The following RBFA variants were observed in gnomAD, a reference collection of about 807,000 sequenced individuals.
RBFA encodes the protein ribosome binding factor A.
In RBFA, 16 loss-of-function variants were observed where a neutral mutation model predicts 27.9. That is an observed-to-expected ratio of 0.57 (90% CI 0.39 to 0.87). The LOEUF (loss-of-function observed/expected upper bound fraction) is 0.87. Ranked by LOEUF, RBFA falls within the 40% of genes least tolerant of loss-of-function variation. The pLI, the probability that RBFA is intolerant of heterozygous loss-of-function variation, is 0.00. For missense variants in RBFA, 456 were observed against 432.1 expected, an observed-to-expected ratio of 1.06 and a Z score of -0.49; for synonymous variants, 181 against 181.0, an observed-to-expected ratio of 1.00 and a Z score of 0.00.
rs545332378 is a variant in RBFA at position 80,048,449 on chromosome 18, A to G, written c.*2294A>G. Among the ~76,000 whole-genome samples, 2 of 152,246 alleles carry G rather than the reference A, an allele frequency of 1.3e-5. No individual in the cohort carries two copies. The highest frequency in any genetic ancestry group is 3.9e-4 in the East Asian group (2 of 5,170). On this transcript the variant is annotated 3_prime_UTR_variant, in exon 7 of 7. Coordinates refer to ENST00000306735, the MANE Select transcript of RBFA (RefSeq NM_024805.3). ...ATCTGATGTGCCCAGGCTGTGTTTT[A>G]TTGTTCTAGCAATTTATTGTTACAA...
At chr18:80,045,723 G>A (rs2052047118) in intron 6 of RBFA, 51 bp from the exon 7 acceptor site, 3 of 1,493,748 alleles carry the variant, frequency 2.0e-6, no homozygotes, top group Non-Finnish European at 2.7e-6. Context: ...ACGACACTGT[G>A]GACTAGGGGC....
At position 80,034,626 on chromosome 18, in the gene RBFA, G is replaced by A. The variant is rs2051962080; in HGVS notation, c.131G>A (p.Trp44Ter). The A allele has an allele frequency of 6.2e-7, 1 of 1,608,324 alleles. No individual in the cohort carries two copies. The highest frequency in any genetic ancestry group is 8.5e-7 in the Non-Finnish European group (1 of 1,178,614). The change falls in exon 1 of 7, where the codon TGG becomes TAG. Residue 44 changes from tryptophan (W) to a stop codon, truncating the protein, a stop_gained. Coordinates refer to ENST00000306735, the MANE Select transcript of RBFA (RefSeq NM_024805.3). LOFTEE classifies it high-confidence loss of function. ...LHCSAVSCKN[W>*]LKKFASKTKK... ...TGCTCTGCTGTCTCCTGCAAGAACT[G>A]GCTCAAGAAATTTGCCTCGAAAACC...
At chr18:80,039,456 G>A (rs2052002725) in intron 4 of RBFA, among the ~76,000 whole-genome samples, 1 of 152,164 alleles carries the variant, frequency 6.6e-6, no homozygotes, top group South Asian at 2.1e-4. Flanking sequence ...CTGCTGTCTG[G>A]AGAATGCTGA....
chr18:80,042,002 AGGCGTGAGCCACCGC>A, intron 4 of RBFA, 118 bp from the exon 5 acceptor site: 1 of 411,592 alleles, frequency 2.4e-6, no homozygotes, highest in Non-Finnish European at 4.2e-6. Flanking sequence ...CTGGGATTAC[AGGCGTGAGCCACCGC>A]GCCCGGCCTC....
chr18:80,034,995 A>G (rs1204261372), intron 1 of RBFA: 1 of 287,190 alleles, frequency 3.5e-6, no homozygotes, highest in Non-Finnish European at 6.5e-6. Context: ...TTGAAGACTA[A>G]AGCTTGTCAT....
rs2052073442 is a variant in RBFA, at chr18:80,048,732, G to A, written c.*2577G>A. ...AGGAATCTGAGGCCCAGGGAGAGGT[G>A]AAGTGCTGCAGGAGATCCAACCAGG... On this transcript the variant is annotated 3_prime_UTR_variant, in exon 7 of 7. Transcript: ENST00000306735. Among the ~76,000 whole-genome samples the A allele has an allele frequency of 1.3e-5, 2 of 152,366 alleles. No homozygotes were observed. Among genetic ancestry groups the A allele is most frequent in the East Asian group, 3.9e-4 (2 of 5,184 alleles).
intron 4 of RBFA, among the ~76,000 whole-genome samples, chr18:80,039,973 G>A (rs535479485): frequency 2.0e-5 from 3 of 152,078 alleles, no homozygotes; most frequent in African/African-American, 7.2e-5. Flanking sequence ...GCAGTGGAGT[G>A]ATACTGGCTC....
intron 5 of RBFA, among the ~76,000 whole-genome samples, chr18:80,042,984 G>A (rs2052026734): frequency 6.6e-6 from 1 of 152,114 alleles, no homozygotes; most frequent in South Asian, 2.1e-4. Flanking sequence ...TCCCACGCCT[G>A]TCTCCCCCTC....
At position 80,050,425 on chromosome 18, in the gene RBFA, T is replaced by C. The variant is rs1044782884; in HGVS notation, c.*4270T>C. Among the ~76,000 whole-genome samples the C allele has an allele frequency of 2.0e-5, 3 of 152,216 alleles. No individual in the cohort carries two copies. Among genetic ancestry groups the C allele is most frequent in the African/African-American group, 7.2e-5 (3 of 41,450 alleles). On this transcript the variant is annotated 3_prime_UTR_variant, in exon 7 of 7. Coordinates refer to ENST00000306735, the MANE Select transcript of RBFA (RefSeq NM_024805.3). Reference sequence around the variant, plus strand: ...GAGATGTTTTGATACAGACATGCAATGTGAAAAAGCACATCATGGAGACTG... The same window carrying C: ...GAGATGTTTTGATACAGACATGCAACGTGAAAAAGCACATCATGGAGACTG...
rs531271942 is a variant in RBFA at position 80,034,515 on chromosome 18, G to A, written c.20G>A (p.Gly7Glu). The change falls in exon 1 of 7, where the codon GGG (glycine) becomes GAG (glutamate). Residue 7 changes from glycine to glutamate, a missense_variant. Coordinates refer to ENST00000306735, the MANE Select transcript of RBFA (RefSeq NM_024805.3). The stretch of plus-strand genomic sequence containing the variant: ...CGCGCCATGTGGGCTGCGGCGGGCG[G>A]GCTGTGGCGCTCCCGCGCGGGTCTC... The part of the protein sequence containing the change: MWAAAG[G>E]LWRSRAGLRA... 13 of 1,584,438 alleles carry A rather than the reference G, an allele frequency of 8.2e-6. No individual in the cohort carries two copies. The South Asian group carries it at 1.1e-4, about 14-fold the overall frequency.
At chr18:80,040,945 A>G (rs2052012328) in intron 4 of RBFA, among the ~76,000 whole-genome samples, 1 of 152,188 alleles carries the variant, frequency 6.6e-6, no homozygotes, top group African/African-American at 2.4e-5. Flanking sequence ...CTCAGTTTTA[A>G]AAAATGCAGA....
rs1411938507 is a variant in RBFA, at chr18:80,044,291, G to A, written c.650+6G>A. The A allele has an allele frequency of 6.2e-7, 1 of 1,612,586 alleles. No homozygotes were observed. The highest frequency in any genetic ancestry group is 8.5e-7 in the Non-Finnish European group (1 of 1,178,534). Reference sequence around the variant, plus strand: ...TTTGTACAAAATGATTTCAGGTGACGCATGTGGACATATGTTTTGATTCCC... The same window carrying A: ...TTTGTACAAAATGATTTCAGGTGACACATGTGGACATATGTTTTGATTCCC... On this transcript the variant is annotated splice_donor_region_variant and intron_variant, in intron 6 of 6. Transcript: ENST00000306735.
At position 80,045,809 on chromosome 18, in the gene RBFA, A is replaced by G; in HGVS notation, c.686A>G (p.Glu229Gly). ...GCCCCACAACCCTGCGGCACCACAG[A>G]GCCGACCACAAGCTCCAGTCTGTGT... ...PDAPQPCGTTEPTTSSSLCGI... is the reference protein window; with the variant it reads ...PDAPQPCGTTGPTTSSSLCGI... Residue 229 changes from glutamate to glycine, a missense_variant, in exon 7 of 7, where the codon GAG becomes GGG. Glu to Gly is a moderately conservative substitution (Grantham distance 98). Transcript: ENST00000306735. 2 of 1,524,936 alleles carry G rather than the reference A, an allele frequency of 1.3e-6. No individual in the cohort carries two copies. The highest frequency in any genetic ancestry group is 1.8e-6 in the Non-Finnish European group (2 of 1,137,048). The allele number at this position is 1,524,936 out of a possible 1,614,324, so 94.5% of individuals were successfully genotyped here.
chr18:80,044,262 C>T lies in RBFA; in HGVS notation c.627C>T (p.Asp209=). The change falls in exon 6 of 7, where the codon GAC becomes GAT. Residue 209 remains aspartate, a synonymous_variant. Transcript: ENST00000306735. The part of the protein sequence containing the change: ...VADFGPRDER[D]NFVQNDFRDP... ...ACTTTGGACCCCGGGATGAAAGAGA[C>T]AACTTTGTACAAAATGATTTCAGGT... 6.2e-7 allele frequency: 1 copy of T among 1,614,118 alleles called. No individual in the cohort carries two copies. The highest frequency in any genetic ancestry group is 1.6e-4 in the Middle Eastern group (1 of 6,062).
At chr18:80,044,083 G>A (rs1306329301) in intron 5 of RBFA, 129 bp from the exon 6 acceptor site, 4 of 783,340 alleles carry the variant, frequency 5.1e-6, no homozygotes, top group Non-Finnish European at 4.6e-6. Flanking sequence ...GGGAAGAGTC[G>A]GTGGAAGGAA....
chr18:80,038,609 G>A lies in RBFA; in HGVS notation c.483G>A (p.Ala161=), dbSNP rs143262320. The A allele has an allele frequency of 9.4e-4, 1,520 of 1,610,844 alleles. 1 individual carries two copies. Among genetic ancestry groups the A allele is most frequent in the Middle Eastern group, 2.3e-3 (14 of 6,050 alleles). Residue 161 remains alanine (A), a synonymous_variant, in exon 4 of 7, where the codon GCG becomes GCA. Transcript: ENST00000306735. ...HMEAVLQRSA[A]HMRHLLMSQQ... is the part of the protein sequence containing the mutation. ...AGGCTGTCCTGCAGAGAAGTGCCGC[G>A]CACATGAGGTGATGACCTTTGCTTT... is the stretch of plus-strand genomic sequence containing the variant.
intron 5 of RBFA, among the ~76,000 whole-genome samples, chr18:80,043,710 A>G (rs72972273): frequency 0.15 from 22,824 of 152,190 alleles, 1,840 homozygotes; most frequent in East Asian, 0.29. Context: ...CTTGTGGGCC[A>G]TTGCCATGGT....
intron 5 of RBFA, 130 bp from the exon 6 acceptor site, chr18:80,044,082 C>T (rs1300084220): frequency 7.7e-6 from 6 of 777,942 alleles, no homozygotes; most frequent in East Asian, 2.5e-5. Context: ...TGGGAAGAGT[C>T]GGTGGAAGGA....
In RBFA at chr18:80,045,739, T is replaced by C. The variant is rs200460529; in HGVS notation, c.651-35T>C. ...CGACACTGTGGACTAGGGGCATGGT[T>C]TGTGCTTGGTGTGAAGCCTCTTCTT... is the stretch of plus-strand genomic sequence containing the variant. On this transcript the variant is annotated intron_variant, in intron 6 of 6. Coordinates refer to ENST00000306735, the MANE Select transcript of RBFA (RefSeq NM_024805.3). The C allele has an allele frequency of 1.3e-5, 19 of 1,503,570 alleles. No homozygotes were observed. In the Admixed American group the frequency reaches 2.3e-4, roughly 18 times the overall value. 93.1% of individuals were successfully genotyped at this position (1,503,570 alleles called of 1,614,324 possible).
Sources: gnomAD v4.1 joint callset for allele counts (sites outside exome capture counted in the v4.1 genomes callset) on GRCh38, gnomAD v4.1.1 for gene constraint, MANE v1.5 for transcripts, NCBI Gene and HGNC (gene_info 2026-07-23, HGNC 2026-07-21) for gene names.